Variants in SYNPR observed in about 807,000 individuals in gnomAD.
SYNPR encodes the protein synaptoporin.
In SYNPR, 23 loss-of-function variants were observed where a neutral mutation model predicts 32.9. That is an observed-to-expected ratio of 0.70 (90% confidence interval 0.50 to 0.99). The LOEUF is 0.99. Among genes scored for constraint, SYNPR ranks in the 50% least tolerant of loss-of-function variants. The pLI is 0.00. For synonymous variants in SYNPR, 146 were observed against 135.9 expected, an observed-to-expected ratio of 1.07 and a Z score of -0.52; for missense variants, 318 against 349.3, an observed-to-expected ratio of 0.91 and a Z score of 0.71.
chr3:63,459,325 T>TTGAC (rs1186736427), intron 2 of SYNPR, among the ~76,000 whole-genome samples: 4 of 152,092 alleles, frequency 2.6e-5, no homozygotes, highest in Non-Finnish European at 5.9e-5. Context: ...TCCATCCTTT[T>TTGAC]TGACTTTTAA....
intron 1 of SYNPR, among the ~76,000 whole-genome samples, chr3:63,237,873 G>T (rs569848566): frequency 3.4e-4 from 52 of 152,170 alleles, no homozygotes; most frequent in African/African-American, 1.2e-3. Context: ...CTGGCCTCAG[G>T]TGTCTCTGGG....
intron 3 of SYNPR, among the ~76,000 whole-genome samples, chr3:63,529,438 A>G (rs1702072387): frequency 6.6e-6 from 1 of 152,172 alleles, no homozygotes; most frequent in Non-Finnish European, 1.5e-5. Context: ...GCAGATGTGG[A>G]GCCCAGGTAC....
chr3:63,256,614 G>A (rs567542077), intron 2 of SYNPR, among the ~76,000 whole-genome samples: 72 of 152,216 alleles, frequency 4.7e-4, no homozygotes, highest in Non-Finnish European at 7.6e-4. Context: ...CCACAAAGAT[G>A]GAGAAAAAAC....
upstream of SYNPR, among the ~76,000 whole-genome samples, chr3:63,223,943 A>G (rs1337049076): frequency 6.6e-6 from 1 of 152,206 alleles, no homozygotes; most frequent in Non-Finnish European, 1.5e-5. Flanking sequence ...TAGAGGCTCC[A>G]TGTATCTTCT....
chr3:63,573,420 G>A (rs879302962), intron 4 of SYNPR, among the ~76,000 whole-genome samples: 3 of 152,116 alleles, frequency 2.0e-5, no homozygotes, highest in Non-Finnish European at 2.9e-5. Context: ...TGTCAAGACC[G>A]TTAAGAGGCT....
intron 2 of SYNPR, among the ~76,000 whole-genome samples, chr3:63,348,422 G>T (rs2087464421): frequency 2.0e-5 from 3 of 151,920 alleles, no homozygotes; most frequent in Non-Finnish European, 4.4e-5. Flanking sequence ...TGTAAATTCT[G>T]GATATCAGTT....
rs112548360 is a variant in SYNPR, at chr3:63,436,184, GT to G, written c.85-44636del. ...ATTGAGGACGTGAGCCCCCAGGTGAGTTTTTTTTTTTTAATACTTTAAGTTT... is the reference window on the plus strand; with the variant it reads ...ATTGAGGACGTGAGCCCCCAGGTGAGTTTTTTTTTTTAATACTTTAAGTTT... On this transcript the variant is annotated intron_variant, in intron 2 of 5. Coordinates refer to ENST00000478300, the MANE Select transcript of SYNPR (RefSeq NM_001130003.2). 2.6e-3 allele frequency among the ~76,000 whole-genome samples: 374 copies of G among 145,698 alleles called. 4 individuals are homozygous for G. The East Asian group carries it at 0.035, about 14-fold the overall frequency.
chr3:63,416,566 C>T (rs1226932323), intron 2 of SYNPR, among the ~76,000 whole-genome samples: 1 of 136,308 alleles, frequency 7.3e-6, no homozygotes, highest in East Asian at 2.0e-4. Flanking sequence ...AAAAAAAACA[C>T]AGAAGTTATT....
chr3:63,330,975 A>T (rs889727537), intron 2 of SYNPR, among the ~76,000 whole-genome samples: 12 of 152,166 alleles, frequency 7.9e-5, no homozygotes, highest in African/African-American at 2.9e-4. Flanking sequence ...GAGACCTACT[A>T]ATCTTATCCT....
intron 2 of SYNPR, among the ~76,000 whole-genome samples, chr3:63,460,321 C>A (rs779936707): frequency 6.6e-6 from 1 of 152,050 alleles, no homozygotes; most frequent in Non-Finnish European, 1.5e-5. Context: ...CCCACAGAGT[C>A]TTTACATGTA....
chr3:63,364,579 T>G, intron 2 of SYNPR, among the ~76,000 whole-genome samples: 1 of 152,348 alleles, frequency 6.6e-6, no homozygotes, highest in South Asian at 2.1e-4. Flanking sequence ...TAGAAGAGGA[T>G]AGAGTCAGTG....
At chr3:63,266,500 C>T (rs768058642) in intron 2 of SYNPR, among the ~76,000 whole-genome samples, 4 of 151,662 alleles carry the variant, frequency 2.6e-5, no homozygotes, top group East Asian at 1.9e-4. Context: ...GTCAGGAGTT[C>T]GAGACCAGCC....
intron 2 of SYNPR, among the ~76,000 whole-genome samples, chr3:63,322,266 G>A (rs1422145144): frequency 1.3e-5 from 2 of 152,072 alleles, no homozygotes; most frequent in Admixed American, 6.6e-5. Flanking sequence ...GAGAAATAAT[G>A]CATATAAACA....
intron 2 of SYNPR, among the ~76,000 whole-genome samples, chr3:63,422,671 G>A (rs764318030): frequency 1.6e-4 from 25 of 152,164 alleles, no homozygotes; most frequent in Non-Finnish European, 2.6e-4. Flanking sequence ...CCAAGTATAA[G>A]CAATGATGGG....
At chr3:63,482,913 G>A (rs1701075656) in intron 3 of SYNPR, among the ~76,000 whole-genome samples, 1 of 152,078 alleles carries the variant, frequency 6.6e-6, no homozygotes, top group African/African-American at 2.4e-5. Flanking sequence ...GAAGAAGTAC[G>A]GTTAGCAAGA....
At chr3:63,303,266 G>A (rs1278562802) in intron 2 of SYNPR, among the ~76,000 whole-genome samples, 2 of 151,638 alleles carry the variant, frequency 1.3e-5, no homozygotes, top group Non-Finnish European at 2.9e-5. Context: ...TGCCTCATTT[G>A]TTAATGTTTC....
At chr3:63,486,253 C>A (rs148471059) in intron 3 of SYNPR, among the ~76,000 whole-genome samples, 3 of 152,276 alleles carry the variant, frequency 2.0e-5, no homozygotes, top group Admixed American at 6.5e-5. Flanking sequence ...ACCGCTGGAA[C>A]CTGTTTGGTC....
chr3:63,251,223 T>C (rs886436344), intron 1 of SYNPR, among the ~76,000 whole-genome samples: 16 of 151,746 alleles, frequency 1.1e-4, no homozygotes, highest in African/African-American at 3.1e-4. Context: ...TTCCACACAA[T>C]AGAATATTAA....
At chr3:63,438,121 T>C (rs1307373531) in intron 2 of SYNPR, among the ~76,000 whole-genome samples, 1 of 152,238 alleles carries the variant, frequency 6.6e-6, no homozygotes, top group African/African-American at 2.4e-5. Context: ...GATACAGAGA[T>C]AGTAAGATAT....
Sources: allele counts gnomAD v4.1 joint callset (sites outside exome capture counted in the v4.1 genomes callset), GRCh38; gene constraint gnomAD v4.1.1; transcripts MANE v1.5; gene names NCBI Gene and HGNC (gene_info 2026-07-23, HGNC 2026-07-21).